NRG1: variants seen among roughly 807,000 people sequenced by gnomAD.
NRG1 encodes pro-neuregulin-1, membrane-bound isoform.
A neutral mutation model predicts 63.8 loss-of-function variants in NRG1; 18 were observed. The ratio of observed to expected loss-of-function variants is 0.28; its 90% confidence interval spans 0.19 to 0.42. The LOEUF is 0.42. Among genes scored for constraint, NRG1 ranks in the 10% least tolerant of loss-of-function variants. The pLI, the probability that NRG1 is intolerant of heterozygous loss-of-function variation, is 1.00. For synonymous variants in NRG1, 302 were observed against 301.3 expected, an observed-to-expected ratio of 1.00 and a Z score of -0.02; for missense variants, 762 against 814.7, an observed-to-expected ratio of 0.94 and a Z score of 0.79.
chr8:32,108,184 T>C (rs1363940964), intron 1 of NRG1, among the ~76,000 whole-genome samples: 1 of 152,176 alleles, frequency 6.6e-6, no homozygotes, highest in African/African-American at 2.4e-5. Flanking sequence ...GTATGCTCTG[T>C]AACATGATTA....
rs553064090 is a variant in NRG1 at position 32,174,897 on chromosome 8, G to A, written c.38-420931G>A. Among the ~76,000 whole-genome samples the A allele has an allele frequency of 2.6e-5, 4 of 152,120 alleles. No homozygotes were observed. The East Asian group carries it at 5.8e-4, about 22-fold the overall frequency. On this transcript the variant is annotated intron_variant, in intron 1 of 10. Coordinates refer to the NRG1 transcript ENST00000519301. ...GATCGATTCACAGCCAAATTCTACC[G>A]AGGTACAAGGAGGAGCTGGTACCAT... is the stretch of plus-strand genomic sequence containing the variant.
intron 1 of NRG1, among the ~76,000 whole-genome samples, chr8:32,456,384 C>T (rs1182333168): frequency 6.6e-6 from 1 of 152,134 alleles, no homozygotes; most frequent in East Asian, 1.9e-4. Context: ...GACAAGTAGA[C>T]AATTGACCCT....
intron 1 of NRG1, among the ~76,000 whole-genome samples, chr8:31,951,505 A>G (rs1389861074): frequency 6.6e-6 from 1 of 152,240 alleles, no homozygotes; most frequent in Non-Finnish European, 1.5e-5. Context: ...GGGCTGATTC[A>G]TACAGCAGCA....
At position 32,082,147 on chromosome 8, in the gene NRG1, G is replaced by A. The variant is rs1827554026; in HGVS notation, c.37+442716G>A. On this transcript the variant is annotated intron_variant, in intron 1 of 10. Coordinates refer to the NRG1 transcript ENST00000519301. The stretch of plus-strand genomic sequence containing the variant: ...AAAAACCAGGCTTAGGCAGAGGGAT[G>A]ATGATCCTGAGAGCATCCTATCTCC... Among the ~76,000 whole-genome samples, 3 of 151,824 alleles carry A rather than the reference G, an allele frequency of 2.0e-5. No individual in the cohort carries two copies. The East Asian group carries it at 5.8e-4, about 29-fold the overall frequency.
intron 1 of NRG1, among the ~76,000 whole-genome samples, chr8:32,255,470 T>C (rs1312654898): frequency 2.0e-5 from 3 of 152,216 alleles, no homozygotes; most frequent in Non-Finnish European, 4.4e-5. Flanking sequence ...TGGCTGGATA[T>C]GTAATTCTGG....
rs560634192 is a variant in NRG1 at position 31,798,476 on chromosome 8, C to G, written c.37+159045C>G. Among the ~76,000 whole-genome samples, 6 of 152,272 alleles carry G rather than the reference C, an allele frequency of 3.9e-5. No homozygotes were observed. In the South Asian group the frequency reaches 6.2e-4, roughly 16 times the overall value. On this transcript the variant is annotated intron_variant, in intron 1 of 10. Transcript: ENST00000519301. ...CCATACTGGATTTCATGACTAATAT[C>G]TTTGCCTTTGACTGATTTGAATAAA...
At chr8:32,010,738 T>G (rs1312431965) in intron 1 of NRG1, among the ~76,000 whole-genome samples, 1 of 152,102 alleles carries the variant, frequency 6.6e-6, no homozygotes, top group Non-Finnish European at 1.5e-5. Context: ...CTGAAAATAA[T>G]TTACTGCTTA....
intron 1 of NRG1, among the ~76,000 whole-genome samples, chr8:32,534,600 G>A (rs1034573503): frequency 2.0e-5 from 3 of 152,184 alleles, no homozygotes; most frequent in Admixed American, 6.5e-5. Context: ...GCCACAGAAC[G>A]GTGATGTTGA....
intron 1 of NRG1, among the ~76,000 whole-genome samples, chr8:32,271,526 G>A (rs1013825897): frequency 6.6e-6 from 1 of 151,996 alleles, no homozygotes; most frequent in Non-Finnish European, 1.5e-5. Context: ...CAAGTGAGTT[G>A]CTAAGTTCAT....
At chr8:32,434,125 G>T (rs1051659848) in intron 1 of NRG1, among the ~76,000 whole-genome samples, 2 of 151,944 alleles carry the variant, frequency 1.3e-5, no homozygotes, top group East Asian at 3.9e-4. Context: ...GTCAGAGTTT[G>T]CAGTGAGCCA....
At chr8:32,619,432 CCATTGTCAGGA>C (rs1394996965) in intron 5 of NRG1, among the ~76,000 whole-genome samples, 1 of 152,070 alleles carries the variant, frequency 6.6e-6, no homozygotes, top group Non-Finnish European at 1.5e-5. Flanking sequence ...GCCTTGTAGG[CCATTGTCAGGA>C]CATTGGTATT....
intron 5 of NRG1, chr8:32,646,591 C>G (rs983676270): frequency 1.9e-5 from 14 of 730,424 alleles, no homozygotes; most frequent in African/African-American, 3.8e-5. Context: ...TTGCTAGCAT[C>G]GATCGCTGGC....
intron 1 of NRG1, among the ~76,000 whole-genome samples, chr8:32,176,443 A>G (rs1840741545): frequency 6.6e-6 from 1 of 152,244 alleles, no homozygotes; most frequent in Non-Finnish European, 1.5e-5. Context: ...TAAAACACCA[A>G]AAGCAATGGC....
At chr8:32,338,472 C>A (rs1369319115) in intron 1 of NRG1, among the ~76,000 whole-genome samples, 1 of 152,046 alleles carries the variant, frequency 6.6e-6, no homozygotes, top group Non-Finnish European at 1.5e-5. Context: ...ATGAGGCATT[C>A]ATGCTCATTG....
chr8:32,631,653 T>C (rs925959936), intron 5 of NRG1, among the ~76,000 whole-genome samples: 2 of 152,208 alleles, frequency 1.3e-5, no homozygotes, highest in African/African-American at 2.4e-5. Flanking sequence ...CCATGACATA[T>C]GCATTAATCA....
chr8:32,223,443 A>G (rs1302734257), intron 1 of NRG1, among the ~76,000 whole-genome samples: 1 of 152,128 alleles, frequency 6.6e-6, no homozygotes, highest in Non-Finnish European at 1.5e-5. Flanking sequence ...CAATGGGAGG[A>G]TATAATTGCT....
chr8:31,665,802 C>T (rs903004863), intron 1 of NRG1, among the ~76,000 whole-genome samples: 1 of 152,080 alleles, frequency 6.6e-6, no homozygotes. Context: ...TGACCCAGGG[C>T]TCTCATCTGT....
At chr8:31,832,424 A>G (rs1260665028) in intron 1 of NRG1, among the ~76,000 whole-genome samples, 1 of 151,908 alleles carries the variant, frequency 6.6e-6, no homozygotes, top group African/African-American at 2.4e-5. Context: ...TATGCCCAGT[A>G]AATTTTTCAT....
chr8:31,852,972 C>G (rs1302446417), intron 1 of NRG1, among the ~76,000 whole-genome samples: 11 of 151,530 alleles, frequency 7.3e-5, no homozygotes, highest in Admixed American at 3.3e-4. Context: ...TGATCTATAT[C>G]TCTGTTTTGG....
Sources: allele counts gnomAD v4.1 joint callset (sites outside exome capture counted in the v4.1 genomes callset), GRCh38; gene constraint gnomAD v4.1.1; transcripts MANE v1.5; gene names NCBI Gene and HGNC (gene_info 2026-07-23, HGNC 2026-07-21).